The following ANO3 variants were observed in gnomAD, a reference collection of about 807,000 sequenced individuals.
ANO3 encodes the protein anoctamin-3.
ANO3 carries 99 observed loss-of-function variants against 144.8 expected under a neutral mutation model. The ratio of observed to expected loss-of-function variants is 0.68; its 90% confidence interval spans 0.58 to 0.81. ANO3 has a LOEUF of 0.81. ANO3 is among the 30% of genes least tolerant of loss of function. The pLI is 0.00. For missense variants in ANO3, 905 were observed against 1,202.2 expected (o/e 0.75, Z 3.66); for synonymous variants, 414 against 392.6 (o/e 1.05, Z -0.64).
chr11:26,595,401 T>C (rs990691030), intron 14 of ANO3, among the ~76,000 whole-genome samples: 2 of 150,350 alleles, frequency 1.3e-5, no homozygotes, highest in African/African-American at 4.9e-5. Context: ...ACAGTTCTTA[T>C]GCGAATTCGT....
At chr11:26,590,110 G>T (rs1406414670) in intron 14 of ANO3, among the ~76,000 whole-genome samples, 1 of 152,180 alleles carries the variant, frequency 6.6e-6, no homozygotes, top group African/African-American at 2.4e-5. Context: ...AGGGTTAAAG[G>T]ATACAACGTT....
intron 11 of ANO3, among the ~76,000 whole-genome samples, chr11:26,543,150 A>G (rs1001802653): frequency 2.0e-5 from 3 of 152,086 alleles, no homozygotes; most frequent in Non-Finnish European, 4.4e-5. Flanking sequence ...GTCAAAATCT[A>G]TACCATAAAA....
chr11:26,591,661 TGGAG>T (rs1257179040), intron 14 of ANO3, among the ~76,000 whole-genome samples: 2 of 151,970 alleles, frequency 1.3e-5, no homozygotes, highest in East Asian at 3.9e-4. Flanking sequence ...TACAGCAGCA[TGGAG>T]GAAGTGAAGT....
At chr11:26,560,019 ATTT>A in intron 14 of ANO3, 2 of 368,316 alleles carry the variant, frequency 5.4e-6, no homozygotes. Context: ...CAAGGAACAT[ATTT>A]TTTCTACCAA....
chr11:26,286,958 A>C (rs1373666607), intron 1 of ANO3, among the ~76,000 whole-genome samples: 1 of 152,202 alleles, frequency 6.6e-6, no homozygotes, highest in Non-Finnish European at 1.5e-5. Context: ...AGATTTTTGC[A>C]GGAAGGAGTT....
chr11:26,276,661 G>A (rs1853566463), intron 1 of ANO3, among the ~76,000 whole-genome samples: 1 of 152,214 alleles, frequency 6.6e-6, no homozygotes, highest in East Asian at 1.9e-4. Context: ...GAATACACTA[G>A]GTTAGACCAC....
intron 1 of ANO3, among the ~76,000 whole-genome samples, chr11:26,203,976 G>A (rs745806051): frequency 9.2e-5 from 14 of 152,058 alleles, no homozygotes; most frequent in Non-Finnish European, 1.8e-4. Context: ...TACAACATGT[G>A]GATTATTCCA....
chr11:26,552,080 A>G (rs931734955), intron 12 of ANO3, among the ~76,000 whole-genome samples: 2 of 152,080 alleles, frequency 1.3e-5, no homozygotes, highest in South Asian at 2.1e-4. Flanking sequence ...AGCTAGCTCT[A>G]TAATGTTGAG....
rs1355576700 is a variant in ANO3, at chr11:26,564,825, CA to C, written c.1447+5047del. On this transcript the variant is annotated intron_variant, in intron 14 of 26. Transcript: ENST00000256737. Reference sequence around the variant, plus strand: ...GTATTCACATGAGCATGTGAAATTTCAGGTAGTCTTTTCAAGATTCATTGAA... The same window carrying C: ...GTATTCACATGAGCATGTGAAATTTCGGTAGTCTTTTCAAGATTCATTGAA... Among the ~76,000 whole-genome samples, 12 of 129,974 alleles carry C rather than the reference CA, an allele frequency of 9.2e-5. 1 individual carries two copies. In the East Asian group the frequency reaches 3.1e-3, roughly 34 times the overall value. The allele number at this position is 129,974 out of a possible 152,430, so 85.3% of individuals were successfully genotyped here.
In ANO3 at chr11:26,552,458, C is replaced by G. The variant is rs569078635; in HGVS notation, c.1290-791C>G. On this transcript the variant is annotated intron_variant, in intron 12 of 26. Transcript: ENST00000256737. The stretch of plus-strand genomic sequence containing the variant: ...CAACATTTCTAGAGAAGAGTTAATT[C>G]AGGGGATACTAAATGGGAAAGGGCC... Among the ~76,000 whole-genome samples the G allele has an allele frequency of 6.0e-4, 92 of 152,080 alleles. 1 individual carries two copies. In the South Asian group the frequency reaches 0.019, roughly 32 times the overall value.
chr11:26,574,235 A>G (rs1188584395), intron 14 of ANO3, among the ~76,000 whole-genome samples: 2 of 152,210 alleles, frequency 1.3e-5, no homozygotes, highest in Admixed American at 6.5e-5. Context: ...CTAGTCTGCA[A>G]TGATAGAACC....
chr11:26,451,069 A>C (rs1858912898), intron 3 of ANO3, among the ~76,000 whole-genome samples: 1 of 152,208 alleles, frequency 6.6e-6, no homozygotes, highest in Non-Finnish European at 1.5e-5. Context: ...TAAAGCATAC[A>C]ATTGATGATT....
At chr11:26,611,931 C>A (rs774918396) in intron 17 of ANO3, among the ~76,000 whole-genome samples, 1 of 151,920 alleles carries the variant, frequency 6.6e-6, no homozygotes. Flanking sequence ...TATTCCTGCT[C>A]ACTTTTGGTT....
At chr11:26,637,869 G>A (rs750735190) in intron 20 of ANO3, among the ~76,000 whole-genome samples, 1 of 152,130 alleles carries the variant, frequency 6.6e-6, no homozygotes, top group African/African-American at 2.4e-5. Context: ...TCTTCCTTAT[G>A]AGCAGGACAT....
At chr11:26,262,486 CTGTGGGATGACAATCAT>C (rs1444857830) in intron 1 of ANO3, among the ~76,000 whole-genome samples, 1 of 152,066 alleles carries the variant, frequency 6.6e-6, no homozygotes, top group Non-Finnish European at 1.5e-5. Flanking sequence ...GAAGCTTATA[CTGTGGGATGACAATCAT>C]TGACATTATA....
At position 26,555,713 on chromosome 11, in the gene ANO3, T is replaced by C. The variant is rs201264010; in HGVS notation, c.1386+2368T>C. ...AAAATGTAGCTACTTGTTTTATACT[T>C]TAAAAATAAGAGTTCCTCTTCCCTT... On this transcript the variant is annotated intron_variant, in intron 13 of 26. Transcript: ENST00000256737. Among the ~76,000 whole-genome samples the C allele has an allele frequency of 2.6e-5, 4 of 152,328 alleles. No individual in the cohort carries two copies. In the East Asian group the frequency reaches 5.8e-4, roughly 22 times the overall value.
At chr11:26,584,980 T>C (rs985123993) in intron 14 of ANO3, among the ~76,000 whole-genome samples, 10 of 152,222 alleles carry the variant, frequency 6.6e-5, no homozygotes, top group African/African-American at 2.2e-4. Context: ...AACAGAGTTA[T>C]GCTTTATTGT....
At chr11:26,652,367 A>T (rs1853560222) in intron 24 of ANO3, among the ~76,000 whole-genome samples, 1 of 152,128 alleles carries the variant, frequency 6.6e-6, no homozygotes, top group Admixed American at 6.5e-5. Context: ...AGAAAAATTG[A>T]ATCAATTAGA....
At chr11:26,606,571 A>C (rs1325696252) in intron 17 of ANO3, among the ~76,000 whole-genome samples, 1 of 150,514 alleles carries the variant, frequency 6.6e-6, no homozygotes, top group African/African-American at 2.4e-5. Flanking sequence ...AGTCTGTTTT[A>C]TCGGAGACTA....
Sources: gnomAD v4.1 joint callset for allele counts (sites outside exome capture counted in the v4.1 genomes callset) on GRCh38, gnomAD v4.1.1 for gene constraint, MANE v1.5 for transcripts, NCBI Gene and HGNC (gene_info 2026-07-23, HGNC 2026-07-21) for gene names.